SIRPB1: variants seen among roughly 807,000 people sequenced by gnomAD.
SIRPB1 encodes signal-regulatory protein beta-1.
SIRPB1 carries 28 observed loss-of-function variants against 34.1 expected under a neutral mutation model. The ratio of observed to expected loss-of-function variants is 0.82; its 90% confidence interval spans 0.61 to 1.12. The LOEUF (loss-of-function observed/expected upper bound fraction) is 1.12, where lower values mean the gene tolerates loss of function less well. Among genes scored for constraint, SIRPB1 ranks in the 50% most tolerant of loss-of-function variants. The pLI, the probability that SIRPB1 is intolerant of heterozygous loss-of-function variation, is 0.00. For missense variants in SIRPB1, 499 were observed against 507.0 expected (o/e 0.98, Z 0.15); for synonymous variants, 211 against 203.8 (o/e 1.04, Z -0.30).
chr20:1,568,996 C>T (rs530653326), intron 4 of SIRPB1, among the ~76,000 whole-genome samples: 60 of 152,220 alleles, frequency 3.9e-4, no homozygotes, highest in African/African-American at 1.4e-3. Flanking sequence ...CAGGATGAAA[C>T]GTGGGATACC....
rs2091434728 is a variant in SIRPB1 at position 1,589,187 on chromosome 20, G to A, written c.77-10493C>T. 4.1e-5 allele frequency among the ~76,000 whole-genome samples: 2 copies of A among 49,052 alleles called. 1 individual carries two copies. The highest frequency in any genetic ancestry group is 2.7e-4 in the Admixed American group (2 of 7,376). 32.2% of individuals were successfully genotyped at this position (49,052 alleles called of 152,430 possible). On this transcript the variant is annotated intron_variant, in intron 1 of 5. Transcript: ENST00000381605. Reference sequence around the variant, plus strand: ...CTTTTAATGATATAACTGGCAAAACGTAGCTCAAATTCAGTCTGATCTGAA... The same window carrying A: ...CTTTTAATGATATAACTGGCAAAACATAGCTCAAATTCAGTCTGATCTGAA...
intron 4 of SIRPB1, among the ~76,000 whole-genome samples, chr20:1,568,318 A>G (rs1306068920): frequency 1.3e-5 from 2 of 152,210 alleles, no homozygotes; most frequent in African/African-American, 2.4e-5. Context: ...CATGCCACTG[A>G]TGCAGCACGT....
At chr20:1,574,412 G>A (rs1185227568) in intron 2 of SIRPB1, among the ~76,000 whole-genome samples, 2 of 38,590 alleles carry the variant, frequency 5.2e-5, no homozygotes, top group Non-Finnish European at 1.1e-4. Context: ...CTGGGGCACC[G>A]CTTTTGCTAG....
intron 2 of SIRPB1, among the ~76,000 whole-genome samples, chr20:1,572,335 T>C (rs1444135020): frequency 1.3e-5 from 2 of 152,060 alleles, no homozygotes; most frequent in Non-Finnish European, 2.9e-5. Context: ...ACAAAATTAC[T>C]GATTGGTCTC....
intron 1 of SIRPB1, among the ~76,000 whole-genome samples, chr20:1,591,021 G>A (rs1438230310): frequency 2.0e-5 from 1 of 49,386 alleles, no homozygotes; most frequent in East Asian, 5.7e-4. Context: ...TAGCAAAAGG[G>A]AAGTGAATCC....
rs551835712 is a variant in SIRPB1 at position 1,577,859 on chromosome 20, G to C, written c.433+479C>G. 6.4e-4 allele frequency among the ~76,000 whole-genome samples: 94 copies of C among 147,540 alleles called. 6 individuals carry two copies. The South Asian group carries it at 0.02, about 31-fold the overall frequency. ...GGAAGAGAATGTAAGCTTGGTGGGG[G>C]AGCGCTTTAGGCTGTTTCATTCACT... is the stretch of plus-strand genomic sequence containing the variant. On this transcript the variant is annotated intron_variant, in intron 2 of 5. Transcript: ENST00000381605.
rs115564175 is a variant in SIRPB1, at chr20:1,566,043, T to C, written c.*2+110A>G. ...AGTATCCTGAGGGAGCCCTGTCACC[T>C]TCTGTAAACTCCACTGACCCTGAAG... On this transcript the variant is annotated intron_variant, in intron 5 of 5. Coordinates refer to ENST00000381605, the MANE Select transcript of SIRPB1 (RefSeq NM_006065.5). The C allele has an allele frequency of 1.8e-3, 1,182 of 673,314 alleles. 10 individuals are homozygous for C. In the African/African-American group the frequency reaches 0.019, roughly 11 times the overall value. 41.7% of individuals were successfully genotyped at this position (673,314 alleles called of 1,614,324 possible). A position where few individuals can be genotyped will look rare whatever the true frequency, so the allele number is the denominator to read the frequency against.
chr20:1,614,159 A>C (rs557597865), intron 1 of SIRPB1, among the ~76,000 whole-genome samples: 1 of 152,244 alleles, frequency 6.6e-6, no homozygotes, highest in Non-Finnish European at 1.5e-5. Flanking sequence ...AGTGTCCTTC[A>C]AATACAAGGG....
rs1326817658 is a variant in SIRPB1, at chr20:1,612,440, G to A, written c.76+7429C>T. ...TGCACTTTTTGCATCAATGGATTGG[G>A]TGGGGCCGTGTGACTTCTTTAGACC... is the stretch of plus-strand genomic sequence containing the variant. On this transcript the variant is annotated intron_variant, in intron 1 of 5. Transcript: ENST00000381605. Among the ~76,000 whole-genome samples, 11 of 72,010 alleles carry A rather than the reference G, an allele frequency of 1.5e-4. 5 individuals carry two copies. Among genetic ancestry groups the A allele is most frequent in the African/African-American group, 5.3e-4 (6 of 11,284 alleles). The allele number at this position is 72,010 out of a possible 152,430, so 47.2% of individuals were successfully genotyped here.
In SIRPB1 at chr20:1,618,736, C is replaced by T. The variant is rs1016901231; in HGVS notation, c.76+1133G>A. ...TCCATGGCCTGAGAAGGGATCAGGA[C>T]AGGTAACTTGTCTGGGAGCTGTGAG... On this transcript the variant is annotated intron_variant, in intron 1 of 5. Transcript: ENST00000381605. 7.2e-5 allele frequency among the ~76,000 whole-genome samples: 11 copies of T among 152,180 alleles called. No individual in the cohort carries two copies. In the East Asian group the frequency reaches 1.5e-3, roughly 21 times the overall value.
chr20:1,574,565 T>C (rs2091286270), intron 2 of SIRPB1, among the ~76,000 whole-genome samples: 1 of 137,978 alleles, frequency 7.2e-6, no homozygotes, highest in South Asian at 2.3e-4. Context: ...CCAATGATTC[T>C]AATGAGCAGC....
At chr20:1,578,795 G>A in intron 1 of SIRPB1, 101 bp from the exon 2 acceptor site, 3 of 1,033,274 alleles carry the variant, frequency 2.9e-6, no homozygotes, top group Non-Finnish European at 4.4e-6. Flanking sequence ...TGCACACCAG[G>A]AAAAGGCCTT....
chr20:1,571,660 G>C (rs1369644536), intron 3 of SIRPB1, 60 bp downstream of exon 3: 2 of 1,611,920 alleles, frequency 1.2e-6, no homozygotes, highest in Non-Finnish European at 1.7e-6. Flanking sequence ...GGAGCCTGGG[G>C]AGAGGGGAGT....
chr20:1,611,292 G>A, intron 1 of SIRPB1: 1 of 747,860 alleles, frequency 1.3e-6, no homozygotes, highest in Non-Finnish European at 1.8e-6. Context: ...CTCTAAGAAT[G>A]GATAATGTAA....
chr20:1,568,802 A>C (rs2091180860), intron 4 of SIRPB1, among the ~76,000 whole-genome samples: 1 of 151,950 alleles, frequency 6.6e-6, no homozygotes, highest in Admixed American at 6.5e-5. Flanking sequence ...AGAAAGCAGG[A>C]GATAGGAATT....
chr20:1,569,209 T>C (rs1474541052), intron 4 of SIRPB1, among the ~76,000 whole-genome samples: 1 of 152,154 alleles, frequency 6.6e-6, no homozygotes, highest in Non-Finnish European at 1.5e-5. Flanking sequence ...TATCCAAAAA[T>C]ATCCCTGGGG....
In SIRPB1 at chr20:1,564,752, G is replaced by T; in HGVS notation, c.*748C>A. ...TGGGAGTTATTACACTAGAGAAATT[G>T]GCAAGCACTGCAAAACAGCTTTTGG... On this transcript the variant is annotated 3_prime_UTR_variant, in exon 6 of 6. Transcript: ENST00000381605. 1 of 396,422 alleles carries T rather than the reference G, an allele frequency of 2.5e-6. No individual in the cohort carries two copies. The highest frequency in any genetic ancestry group is 4.4e-6 in the Non-Finnish European group (1 of 225,250). 24.6% of individuals were successfully genotyped at this position (396,422 alleles called of 1,614,324 possible).
At chr20:1,616,397 T>A (rs2091630010) in intron 1 of SIRPB1, among the ~76,000 whole-genome samples, 1 of 152,162 alleles carries the variant, frequency 6.6e-6, no homozygotes, top group Non-Finnish European at 1.5e-5. Context: ...AGAGCCCAGA[T>A]ATAAACGCAC....
intron 1 of SIRPB1, among the ~76,000 whole-genome samples, chr20:1,615,541 G>A (rs1329029799): frequency 6.6e-6 from 1 of 152,144 alleles, no homozygotes; most frequent in African/African-American, 2.4e-5. Context: ...TTAACAGTTG[G>A]CATTATTATT....
Sources: allele counts gnomAD v4.1 joint callset (sites outside exome capture counted in the v4.1 genomes callset), GRCh38; gene constraint gnomAD v4.1.1; transcripts MANE v1.5; gene names NCBI Gene and HGNC (gene_info 2026-07-23, HGNC 2026-07-21).